The following GABRA2 variants were observed in gnomAD, a reference collection of about 807,000 sequenced individuals.
The protein encoded by GABRA2 is gamma-aminobutyric acid receptor subunit alpha-2.
A neutral mutation model predicts 48.7 loss-of-function variants in GABRA2; 16 were observed. The ratio of observed to expected loss-of-function variants is 0.33; its 90% confidence interval spans 0.22 to 0.50. The LOEUF is 0.50. GABRA2 is among the 20% of genes least tolerant of loss of function. The pLI, the probability that GABRA2 is intolerant of heterozygous loss-of-function variation, is 0.98. For synonymous variants in GABRA2, 185 were observed against 184.5 expected (o/e 1.00, Z -0.02); for missense variants, 275 against 535.6 (o/e 0.51, Z 4.80).
intron 8 of GABRA2, among the ~76,000 whole-genome samples, chr4:46,273,506 T>TATATATATATATATATATATATGC (rs1719859056): frequency 3.5e-5 from 1 of 28,290 alleles, no homozygotes; most frequent in African/African-American, 1.5e-4. Context: ...TATATGCATA[T>TATATATATATATATATATATATGC]ATATATATAT....
At chr4:46,378,001 C>T (rs1391292814) in intron 3 of GABRA2, among the ~76,000 whole-genome samples, 3 of 149,032 alleles carry the variant, frequency 2.0e-5, no homozygotes, top group East Asian at 2.0e-4. Flanking sequence ...GTCAGCCCCC[C>T]GCCCGGCCAG....
intron 8 of GABRA2, among the ~76,000 whole-genome samples, chr4:46,286,195 T>C (rs1722510407): frequency 1.3e-5 from 2 of 152,058 alleles, no homozygotes; most frequent in Non-Finnish European, 2.9e-5. Flanking sequence ...TATAAAGGAA[T>C]CATATAATTT....
At chr4:46,312,927 A>G (rs1727899652) in intron 4 of GABRA2, among the ~76,000 whole-genome samples, 1 of 152,000 alleles carries the variant, frequency 6.6e-6, no homozygotes, top group South Asian at 2.1e-4. Context: ...TATTAGCTAT[A>G]TATTCTTCTG....
intron 3 of GABRA2, among the ~76,000 whole-genome samples, chr4:46,357,005 T>TTTG (rs1322357226): frequency 6.6e-6 from 1 of 152,020 alleles, no homozygotes; most frequent in Non-Finnish European, 1.5e-5. Context: ...TTGTTTTGTT[T>TTTG]TTGTTGTTGT....
intron 3 of GABRA2, among the ~76,000 whole-genome samples, chr4:46,348,628 A>T (rs1438367837): frequency 6.6e-6 from 1 of 151,918 alleles, no homozygotes; most frequent in Admixed American, 6.6e-5. Context: ...CTTTGTAGGG[A>T]CATGGATGAA....
At chr4:46,277,812 C>T (rs1235747366) in intron 8 of GABRA2, among the ~76,000 whole-genome samples, 1 of 152,176 alleles carries the variant, frequency 6.6e-6, no homozygotes, top group South Asian at 2.1e-4. Flanking sequence ...GCAGCTGCTG[C>T]TATTCAGTCC....
At chr4:46,292,293 T>C (rs1287214240) in intron 8 of GABRA2, among the ~76,000 whole-genome samples, 1 of 152,166 alleles carries the variant, frequency 6.6e-6, no homozygotes, top group East Asian at 1.9e-4. Context: ...GAGAGTCTTA[T>C]CTCCTGTAGA....
At chr4:46,287,432 T>C (rs968723544) in intron 8 of GABRA2, among the ~76,000 whole-genome samples, 11 of 151,742 alleles carry the variant, frequency 7.2e-5, no homozygotes, top group African/African-American at 2.7e-4. Context: ...ATATACACCA[T>C]GGAATACTAT....
chr4:46,285,900 T>C (rs1353514784), intron 8 of GABRA2, among the ~76,000 whole-genome samples: 1 of 152,140 alleles, frequency 6.6e-6, no homozygotes, highest in East Asian at 1.9e-4. Context: ...TGGGATGCCC[T>C]TGGAATATAA....
chr4:46,305,804 T>C (rs1249756188), intron 6 of GABRA2, 93 bp from the exon 7 acceptor site: 2 of 862,868 alleles, frequency 2.3e-6, no homozygotes, highest in Non-Finnish European at 1.8e-6. Flanking sequence ...ACAATCACTA[T>C]ATACTTTCAA....
intron 6 of GABRA2, among the ~76,000 whole-genome samples, chr4:46,306,706 G>A (rs3775277): frequency 6.6e-6 from 1 of 152,266 alleles, no homozygotes; most frequent in East Asian, 1.9e-4. Context: ...AATTAAGGGA[G>A]AGAAAGGGCC....
At chr4:46,367,186 G>A (rs1026603553) in intron 3 of GABRA2, 3 of 152,082 alleles carry the variant, frequency 2.0e-5, no homozygotes, top group Admixed American at 6.6e-5. Flanking sequence ...AGGATGACTC[G>A]TTGTTAGCAA....
chr4:46,328,239 A>G (rs1017796287), intron 4 of GABRA2, among the ~76,000 whole-genome samples: 1 of 151,862 alleles, frequency 6.6e-6, no homozygotes, highest in Admixed American at 6.6e-5. Flanking sequence ...TTTTTGGGAC[A>G]ATTACACTAC....
intron 8 of GABRA2, among the ~76,000 whole-genome samples, chr4:46,274,757 T>C (rs1344380526): frequency 6.6e-6 from 1 of 152,122 alleles, no homozygotes; most frequent in Non-Finnish European, 1.5e-5. Flanking sequence ...AATTAGAATA[T>C]GCAGCTTATG....
chr4:46,287,557 C>A (rs1486817621), intron 8 of GABRA2, among the ~76,000 whole-genome samples: 2 of 142,486 alleles, frequency 1.4e-5, no homozygotes, highest in Non-Finnish European at 3.0e-5. Context: ...CATATTCTCA[C>A]TCATAGGTGG....
Position 46,246,102 on chromosome 4 carries a change from A to C in GABRA2, c.*4206T>G, listed in dbSNP as rs1355359569. ...CTTTAGTATTTTAGTTATGATGCTT[A>C]CTATGATAGAATAACGACTCTTAAA... On this transcript the variant is annotated 3_prime_UTR_variant, in exon 10 of 10. Coordinates refer to ENST00000381620, the MANE Select transcript of GABRA2 (RefSeq NM_000807.4). 6.6e-6 allele frequency among the ~76,000 whole-genome samples: 1 copy of C among 151,072 alleles called. No individual in the cohort carries two copies. Among genetic ancestry groups the C allele is most frequent in the Non-Finnish European group, 1.5e-5 (1 of 67,398 alleles).
chr4:46,291,796 T>TATATATATATATATATATAC, intron 8 of GABRA2, among the ~76,000 whole-genome samples: 1 of 150,192 alleles, frequency 6.7e-6, no homozygotes, highest in Non-Finnish European at 1.5e-5. Flanking sequence ...TATATACATA[T>TATATATATATATATATATAC]ACATATATAT....
intron 4 of GABRA2, among the ~76,000 whole-genome samples, chr4:46,322,288 T>A (rs150149156): frequency 3.3e-5 from 5 of 151,956 alleles, no homozygotes; most frequent in African/African-American, 1.2e-4. Flanking sequence ...ATTGCCGTAA[T>A]GTGAGAAAGG....
intron 6 of GABRA2, among the ~76,000 whole-genome samples, chr4:46,309,449 C>CA (rs1727262563): frequency 6.6e-6 from 1 of 152,070 alleles, no homozygotes; most frequent in African/African-American, 2.4e-5. Context: ...AGGACACCCT[C>CA]ACACAAGAGG....
Sources: allele counts gnomAD v4.1 joint callset (sites outside exome capture counted in the v4.1 genomes callset), GRCh38; gene constraint gnomAD v4.1.1; transcripts MANE v1.5; gene names NCBI Gene and HGNC (gene_info 2026-07-23, HGNC 2026-07-21).